The following YTHDF1 variants were observed in gnomAD, a reference collection of about 807,000 sequenced individuals.
The protein encoded by YTHDF1 is YTH N6-methyladenosine RNA binding protein F1.
YTHDF1 carries 16 observed loss-of-function variants against 49.1 expected under a neutral mutation model. That is an observed-to-expected ratio of 0.33 (90% CI 0.22 to 0.49). The LOEUF (loss-of-function observed/expected upper bound fraction) is 0.49, where lower values mean the gene tolerates loss of function less well. Among genes scored for constraint, YTHDF1 ranks in the 20% least tolerant of loss-of-function variants. The probability of loss-of-function intolerance (pLI) is 0.99; values close to 1 mark genes in which losing one functional copy is unlikely to be tolerated. For synonymous variants in YTHDF1, 313 were observed against 290.1 expected (o/e 1.08, Z -0.80); for missense variants, 621 against 744.3 (o/e 0.83, Z 1.93).
At chr20:63,206,316 G>A (rs1482416870) in intron 3 of YTHDF1, among the ~76,000 whole-genome samples, 2 of 152,202 alleles carry the variant, frequency 1.3e-5, no homozygotes, top group Non-Finnish European at 2.9e-5. Context: ...GATGCCCAGG[G>A]ACACTTCTGA....
chr20:63,214,065 A>C, intron 2 of YTHDF1, 122 bp from the exon 3 acceptor site: 1 of 1,434,872 alleles, frequency 7.0e-7, no homozygotes, highest in Non-Finnish European at 9.1e-7. Context: ...TTTAATTTTA[A>C]AAGGAGTACA....
At chr20:63,204,823 A>G (rs1391366697) in intron 3 of YTHDF1, among the ~76,000 whole-genome samples, 2 of 151,946 alleles carry the variant, frequency 1.3e-5, no homozygotes, top group African/African-American at 4.8e-5. Flanking sequence ...CTCCTTGGAG[A>G]GACTCAACTA....
intron 3 of YTHDF1, 116 bp downstream of exon 3, chr20:63,213,748 C>T: frequency 2.2e-6 from 2 of 925,822 alleles, no homozygotes; most frequent in Non-Finnish European, 1.6e-6. Flanking sequence ...ATTCCTAATA[C>T]TTTATAGTCT....
In YTHDF1 at chr20:63,205,509, C is replaced by CA. The variant is rs1334252770; in HGVS notation, c.133-1703_133-1702insT. On this transcript the variant is annotated intron_variant, in intron 3 of 4. Transcript: ENST00000370339. ...CACTTGTGAGCAGACAATTCCAGAA[C>CA]CCCCCCCTTTTTTTTTTGGGACGAA... 7.3e-5 allele frequency among the ~76,000 whole-genome samples: 10 copies of CA among 136,572 alleles called. No homozygotes were observed. In the South Asian group the frequency reaches 2.2e-3, roughly 30 times the overall value. 89.6% of individuals were successfully genotyped at this position (136,572 alleles called of 152,430 possible). A position where few individuals can be genotyped will look rare whatever the true frequency, so the allele number is the denominator to read the frequency against.
chr20:63,199,230 ACT>A (rs1378956205), intron 4 of YTHDF1, among the ~76,000 whole-genome samples: 1 of 152,222 alleles, frequency 6.6e-6, no homozygotes, highest in African/African-American at 2.4e-5. Context: ...TTAAAACTGC[ACT>A]GACTCGGCCG....
At chr20:63,214,158 G>C (rs539874235) in intron 2 of YTHDF1, 1 of 957,670 alleles carries the variant, frequency 1.0e-6, no homozygotes, top group South Asian at 4.8e-5. Context: ...TTTAAATAAA[G>C]GCTTAATCGT....
chr20:63,203,170 C>T lies in YTHDF1; in HGVS notation c.770G>A (p.Gly257Glu), dbSNP rs770371508. 5 of 1,613,716 alleles carry T rather than the reference C, an allele frequency of 3.1e-6. No homozygotes were observed. The highest frequency in any genetic ancestry group is 3.4e-6 in the Non-Finnish European group (4 of 1,180,036). Residue 257 changes from glycine to glutamate, a missense_variant, in exon 4 of 5, where the codon GGG becomes GAG. By Grantham distance (98) the Gly-to-Glu change is moderately conservative. Transcript: ENST00000370339. The surrounding 1 kb of genome is among the most constrained non-coding windows in gnomAD (Gnocchi z 4.4). ...KMKTKSGPVMGGGLPPPPIKH... is the reference protein window; with the variant it reads ...KMKTKSGPVMEGGLPPPPIKH... ...TATGGGTGGAGGGGGCAGCCCACCC[C>T]CCATGACAGGCCCGCTCTTTGTTTT...
At position 63,202,890 on chromosome 20, in the gene YTHDF1, A is replaced by C; in HGVS notation, c.1050T>G (p.Ser350=). The C allele has an allele frequency of 6.2e-7, 1 of 1,613,888 alleles. No individual in the cohort carries two copies. The highest frequency in any genetic ancestry group is 1.1e-5 in the South Asian group (1 of 91,090). Residue 350 remains serine (S), a synonymous_variant, in exon 4 of 5, where the codon TCT becomes TCG. Coordinates refer to ENST00000370339, the MANE Select transcript of YTHDF1 (RefSeq NM_017798.4). ...QSGGAGSDSN[S]PGNVQPNSAP... ...CAGAATTAGGCTGGACGTTTCCAGG[A>C]GAGTTGCTATCGCTGCCAGCCCCTC...
At chr20:63,212,943 T>C (rs2066582445) in intron 3 of YTHDF1, among the ~76,000 whole-genome samples, 1 of 152,250 alleles carries the variant, frequency 6.6e-6, no homozygotes, top group African/African-American at 2.4e-5. Context: ...AAGCCTGAAT[T>C]ACCTAAGAAA....
chr20:63,202,804 G>A lies in YTHDF1; in HGVS notation c.1136C>T (p.Pro379Leu), dbSNP rs2066523893. The part of the protein sequence containing the change: ...EKLKAAHSYN[P>L]KEFEWNLKSG... The stretch of plus-strand genomic sequence containing the variant: ...TTTCAGATTCCACTCAAACTCTTTC[G>A]GGTTGTAGCTGTGAGCAGCCTTCAG... The change falls in exon 4 of 5, where the codon CCG becomes CTG. Residue 379 changes from proline to leucine, a missense_variant. Around this residue, in one of 2 missense-constraint regions of YTHDF1, gnomAD observed 151 missense variants for 248.5 expected, o/e 0.61. Transcript: ENST00000370339. 1.2e-6 allele frequency: 2 copies of A among 1,614,062 alleles called. No homozygotes were observed. The highest frequency in any genetic ancestry group is 1.1e-5 in the South Asian group (1 of 91,082).
chr20:63,211,745 G>C (rs867458911), intron 3 of YTHDF1, among the ~76,000 whole-genome samples: 4 of 152,104 alleles, frequency 2.6e-5, no homozygotes, highest in African/African-American at 7.2e-5. Flanking sequence ...CTTGAGCCCA[G>C]AAGTTCAAGA....
intron 1 of YTHDF1, 76 bp from the exon 2 acceptor site, chr20:63,215,677 A>T (rs1285394185): frequency 1.3e-6 from 2 of 1,516,116 alleles, no homozygotes; most frequent in Admixed American, 4.4e-5. Context: ...TTCACCAGAG[A>T]ACTGGTCTCC....
rs927285042 is a variant in YTHDF1, at chr20:63,204,901, ATG to A, written c.133-1096_133-1095del. Among the ~76,000 whole-genome samples the A allele has an allele frequency of 7.2e-5, 11 of 152,030 alleles. No individual in the cohort carries two copies. In the South Asian group the frequency reaches 8.3e-4, roughly 12 times the overall value. On this transcript the variant is annotated intron_variant, in intron 3 of 4. Coordinates refer to ENST00000370339, the MANE Select transcript of YTHDF1 (RefSeq NM_017798.4). Reference sequence around the variant, plus strand: ...TGACTTTCGTGTGAGGTGTGTCTGTATGTGTGTGCGCACACACACCTGTACAC... The same window carrying A: ...TGACTTTCGTGTGAGGTGTGTCTGTATGTGTGCGCACACACACCTGTACAC...
At position 63,203,878 on chromosome 20, in the gene YTHDF1, G is replaced by C; in HGVS notation, c.133-71C>G. ...ATGCTGAGAATGCCAACCGCCTCTT[G>C]CTTAAGCACAGGTGGAGCAAAAACA... is the stretch of plus-strand genomic sequence containing the variant. On this transcript the variant is annotated intron_variant, in intron 3 of 4. Transcript: ENST00000370339. This position sits in a 1 kb window ranked among gnomAD's most constrained non-coding sequence, Gnocchi z 4.4. The C allele has an allele frequency of 1.4e-6, 2 of 1,450,966 alleles. No individual in the cohort carries two copies. The highest frequency in any genetic ancestry group is 2.7e-5 in the South Asian group (2 of 72,946). 89.9% of individuals were successfully genotyped at this position (1,450,966 alleles called of 1,614,324 possible).
chr20:63,196,713 G>C lies in YTHDF1; in HGVS notation c.1675C>G (p.Gln559Glu). ...TGTAAGAAACTGGTTCGCCCTCATTGTTTGTTTCGACTCTGCCGTTCCTGT... is the reference window on the plus strand; with the variant it reads ...TGTAAGAAACTGGTTCGCCCTCATTCTTTGTTTCGACTCTGCCGTTCCTGT... ...VRKERQSRNK[Q>E] The change falls in exon 5 of 5, where the codon CAA (glutamine) becomes GAA (glutamate). Residue 559 changes from glutamine to glutamate, a missense_variant. Gln to Glu is a conservative substitution (Grantham distance 29). Transcript: ENST00000370339. 1.2e-6 allele frequency: 2 copies of C among 1,613,840 alleles called. No individual in the cohort carries two copies. Among genetic ancestry groups the C allele is most frequent in the Non-Finnish European group, 1.7e-6 (2 of 1,179,782 alleles).
At chr20:63,215,711 C>A in intron 1 of YTHDF1, 110 bp from the exon 2 acceptor site, 1 of 1,423,478 alleles carries the variant, frequency 7.0e-7, no homozygotes, top group Non-Finnish European at 9.2e-7. Flanking sequence ...CTCCGCCGGC[C>A]CCGACGCGCG....
rs983744899 is a variant in YTHDF1, at chr20:63,196,084, G to T, written c.*624C>A. 2.6e-5 allele frequency: 4 copies of T among 151,882 alleles called. No homozygotes were observed. Among genetic ancestry groups the T allele is most frequent in the Non-Finnish European group, 5.9e-5 (4 of 68,032 alleles). The allele number at this position is 151,882 out of a possible 1,614,324, so 9.4% of individuals were successfully genotyped here. A position where few individuals can be genotyped will look rare whatever the true frequency, so the allele number is the denominator to read the frequency against. On this transcript the variant is annotated 3_prime_UTR_variant, in exon 5 of 5. Transcript: ENST00000370339. ...TCGGACACCAGGACAGTGAGGGACG[G>T]GTGGCTGTTCAGTGGGCAACAGATC...
intron 3 of YTHDF1, among the ~76,000 whole-genome samples, chr20:63,211,654 C>CT (rs1205219301): frequency 6.6e-6 from 1 of 151,892 alleles, no homozygotes; most frequent in Non-Finnish European, 1.5e-5. Flanking sequence ...AAAGCTCCGA[C>CT]TTTATAAAAA....
rs1463761783 is a variant in YTHDF1, at chr20:63,196,481, T to C, written c.*227A>G. 5 of 452,664 alleles carry C rather than the reference T, an allele frequency of 1.1e-5. No homozygotes were observed. The highest frequency in any genetic ancestry group is 2.0e-5 in the Non-Finnish European group (5 of 253,534). 28.0% of individuals were successfully genotyped at this position (452,664 alleles called of 1,614,324 possible). On this transcript the variant is annotated 3_prime_UTR_variant, in exon 5 of 5. Coordinates refer to ENST00000370339, the MANE Select transcript of YTHDF1 (RefSeq NM_017798.4). Reference sequence around the variant, plus strand: ...TTTCACATTAGATCAGTCTGATTGATAAGCTGACAAAAAAAATACTCCTTT... The same window carrying C: ...TTTCACATTAGATCAGTCTGATTGACAAGCTGACAAAAAAAATACTCCTTT...
Sources: gnomAD v4.1 joint callset for allele counts (sites outside exome capture counted in the v4.1 genomes callset) on GRCh38, gnomAD v4.1.1 for gene constraint, gnomAD v4.1.1 regional missense constraint, Gnocchi (gnomAD v3.1) non-coding constraint, MANE v1.5 for transcripts, NCBI Gene and HGNC (gene_info 2026-07-23, HGNC 2026-07-21) for gene names.